The following ITSN1 variants were observed in gnomAD, a reference collection of about 807,000 sequenced individuals.
The protein encoded by ITSN1 is intersectin 1, also known as intersectin-1.
Under a neutral mutation model 239.8 loss-of-function variants are expected in ITSN1, and 58 were observed. The ratio of observed to expected loss-of-function variants is 0.24; its 90% CI spans 0.20 to 0.30. The LOEUF is 0.30. Among genes scored for constraint, ITSN1 ranks in the 10% least tolerant of loss-of-function variants. The pLI is 1.00. For missense variants in ITSN1, 1,558 were observed against 2,103.3 expected (o/e 0.74, Z 5.07); for synonymous variants, 780 against 770.8 (o/e 1.01, Z -0.20).
At position 33,761,647 on chromosome 21, in the gene ITSN1, A is replaced by G. The variant is rs541679579; in HGVS notation, c.725-276A>G. Reference sequence around the variant, plus strand: ...TAATGTGGACAAAAGGTCAGGTTATATTTTGAAACTCTAAATCTTTCACAT... The same window carrying G: ...TAATGTGGACAAAAGGTCAGGTTATGTTTTGAAACTCTAAATCTTTCACAT... On this transcript the variant is annotated intron_variant, in intron 8 of 39. Transcript: ENST00000381318. 3.3e-5 allele frequency among the ~76,000 whole-genome samples: 5 copies of G among 152,338 alleles called. No homozygotes were observed. The East Asian group carries it at 5.8e-4, about 18-fold the overall frequency.
rs1372890276 is a variant in ITSN1, at chr21:33,885,371, G to A, written c.4760-68G>A. The A allele has an allele frequency of 3.6e-6, 5 of 1,387,026 alleles. No individual in the cohort carries two copies. The East Asian group carries it at 9.1e-5, about 25-fold the overall frequency. The allele number at this position is 1,387,026 out of a possible 1,614,324, so 85.9% of individuals were successfully genotyped here. ...GAGAGGTACATGAAATGCATTGTGA[G>A]GCTCACAGAGATGGGAAAGGTGTGG... On this transcript the variant is annotated intron_variant, in intron 37 of 39. Transcript: ENST00000381318.
chr21:33,896,917 GGA>G lies in ITSN1; in HGVS notation c.*8618_*8619del, dbSNP rs1367703864. 1 of 152,204 alleles carries G rather than the reference GGA, an allele frequency of 6.6e-6. No individual in the cohort carries two copies. Among genetic ancestry groups the G allele is most frequent in the Non-Finnish European group, 1.5e-5 (1 of 68,038 alleles). The allele number at this position is 152,204 out of a possible 1,614,324, so 9.4% of individuals were successfully genotyped here. A position where few individuals can be genotyped will look rare whatever the true frequency, so the allele number is the denominator to read the frequency against. On this transcript the variant is annotated 3_prime_UTR_variant, in exon 40 of 40. Coordinates refer to ENST00000381318, the MANE Select transcript of ITSN1 (RefSeq NM_003024.3). ...CAGAAATTGCAAACTCATCTCACCTGGATTTGATTGAGTCACCTTGAATGACA... is the reference window on the plus strand; with the variant it reads ...CAGAAATTGCAAACTCATCTCACCTGTTTGATTGAGTCACCTTGAATGACA...
At chr21:33,880,074 G>A (rs1053307967) in intron 34 of ITSN1, among the ~76,000 whole-genome samples, 3 of 152,158 alleles carry the variant, frequency 2.0e-5, no homozygotes, top group African/African-American at 7.2e-5. Flanking sequence ...CATGCACAGC[G>A]TCGTTGTTGT....
At chr21:33,652,248 G>A (rs2146137286) in intron 1 of ITSN1, among the ~76,000 whole-genome samples, 1 of 152,266 alleles carries the variant, frequency 6.6e-6, no homozygotes, top group African/African-American at 2.4e-5. Flanking sequence ...CTGGGAGGAT[G>A]CGTCCTGGTG....
chr21:33,877,661 G>A (rs1984160692), intron 34 of ITSN1, among the ~76,000 whole-genome samples: 1 of 152,132 alleles, frequency 6.6e-6, no homozygotes, highest in Admixed American at 6.5e-5. Context: ...GGCTCTGGAT[G>A]CACCTGTTTC....
At chr21:33,813,642 T>A (rs1259108674) in intron 21 of ITSN1, among the ~76,000 whole-genome samples, 1 of 152,130 alleles carries the variant, frequency 6.6e-6, no homozygotes, top group Non-Finnish European at 1.5e-5. Flanking sequence ...CATGAGCCAC[T>A]GTGCCCAGCC....
chr21:33,738,558 C>T (rs1285609139), intron 5 of ITSN1, among the ~76,000 whole-genome samples: 5 of 152,020 alleles, frequency 3.3e-5, no homozygotes, highest in Admixed American at 2.6e-4. Flanking sequence ...CCCACCACCA[C>T]ACCCGGCTAA....
intron 8 of ITSN1, among the ~76,000 whole-genome samples, chr21:33,760,360 T>G (rs1057106611): frequency 1.3e-5 from 2 of 152,194 alleles, no homozygotes; most frequent in African/African-American, 2.4e-5. Context: ...TTTCATGACC[T>G]CCATAGTGTT....
At position 33,718,875 on chromosome 21, in the gene ITSN1, C is replaced by A; in HGVS notation, c.28+19C>A. ...TTTGGTGGTAAGTTTTCAGAAATTT[C>A]TCTTTTTAATGTACTTTGGGACCAG... On this transcript the variant is annotated intron_variant, in intron 2 of 39. Coordinates refer to ENST00000381318, the MANE Select transcript of ITSN1 (RefSeq NM_003024.3). 1.2e-6 allele frequency: 2 copies of A among 1,608,180 alleles called. No individual in the cohort carries two copies. The highest frequency in any genetic ancestry group is 1.7e-4 in the Middle Eastern group (1 of 6,042).
chr21:33,845,889 CAGAG>C (rs537376775), intron 29 of ITSN1, among the ~76,000 whole-genome samples: 31 of 152,344 alleles, frequency 2.0e-4, no homozygotes, highest in African/African-American at 5.8e-4. Context: ...AGTCCCTCCT[CAGAG>C]AGAGTCAGAA....
At chr21:33,845,113 C>A (rs2074949652) in intron 29 of ITSN1, among the ~76,000 whole-genome samples, 1 of 151,928 alleles carries the variant, frequency 6.6e-6, no homozygotes, top group African/African-American at 2.4e-5. Flanking sequence ...CTAGAACTTT[C>A]AGGAGCAGGT....
At chr21:33,828,435 C>A (rs1213815191) in intron 26 of ITSN1, among the ~76,000 whole-genome samples, 8 of 152,224 alleles carry the variant, frequency 5.3e-5, no homozygotes, top group African/African-American at 1.7e-4. Context: ...AGGGCCAGGC[C>A]TGCACCATGA....
chr21:33,799,427 A>G (rs1314647003), intron 18 of ITSN1, among the ~76,000 whole-genome samples: 2 of 152,298 alleles, frequency 1.3e-5, no homozygotes, highest in African/African-American at 2.4e-5. Flanking sequence ...ACTTTGGGTC[A>G]TATCCTAACT....
chr21:33,671,046 G>A (rs141131102), intron 1 of ITSN1, among the ~76,000 whole-genome samples: 250 of 152,284 alleles, frequency 1.6e-3, no homozygotes, highest in African/African-American at 5.6e-3. Context: ...TTTAGGTTCC[G>A]ATAATTATAC....
chr21:33,704,923 T>TAAAAAAAAAA (rs55966725), intron 1 of ITSN1, among the ~76,000 whole-genome samples: 8 of 93,664 alleles, frequency 8.5e-5, no homozygotes, highest in African/African-American at 1.3e-4. Context: ...CCATCTCTAC[T>TAAAAAAAAAA]AAAAAAAAAA....
chr21:33,698,334 A>G (rs965344248), intron 1 of ITSN1, among the ~76,000 whole-genome samples: 16 of 152,198 alleles, frequency 1.1e-4, no homozygotes, highest in African/African-American at 3.9e-4. Context: ...TTCACCTCCC[A>G]TCCCCTGCTG....
At chr21:33,873,998 C>A (rs2148525786) in intron 33 of ITSN1, among the ~76,000 whole-genome samples, 1 of 151,528 alleles carries the variant, frequency 6.6e-6, no homozygotes, top group South Asian at 2.1e-4. Flanking sequence ...CCCATCTCTA[C>A]TAAAAATACA....
At chr21:33,660,966 A>G (rs1005968988) in intron 1 of ITSN1, among the ~76,000 whole-genome samples, 1 of 152,226 alleles carries the variant, frequency 6.6e-6, no homozygotes, top group Non-Finnish European at 1.5e-5. Flanking sequence ...TTCATTAAAC[A>G]ATATCACAAA....
At chr21:33,869,060 C>A (rs1226404654) in intron 33 of ITSN1, among the ~76,000 whole-genome samples, 1 of 152,132 alleles carries the variant, frequency 6.6e-6, no homozygotes, top group East Asian at 1.9e-4. Context: ...AAGACAGGCC[C>A]AGTGCCTCTA....
Sources: allele counts gnomAD v4.1 joint callset (sites outside exome capture counted in the v4.1 genomes callset), GRCh38; gene constraint gnomAD v4.1.1; transcripts MANE v1.5; gene names NCBI Gene and HGNC (gene_info 2026-07-23, HGNC 2026-07-21).